The following LINGO2 variants were observed in gnomAD, a reference collection of about 807,000 sequenced individuals.
The protein encoded by LINGO2 is leucine rich repeat and Ig domain containing 2, also known as leucine-rich repeat and immunoglobulin-like domain-containing nogo receptor-interacting protein 2.
In LINGO2, 14 loss-of-function variants were observed where a neutral mutation model predicts 30.6. The ratio of observed to expected loss-of-function variants is 0.46; its 90% CI spans 0.30 to 0.72. The LOEUF is 0.72. Ranked by LOEUF, LINGO2 falls within the 30% of genes least tolerant of loss-of-function variation. LINGO2 has a pLI of 0.07. For missense variants in LINGO2, 729 were observed against 751.7 expected (o/e 0.97, Z 0.35); for synonymous variants, 317 against 288.5 (o/e 1.10, Z -1.00).
chr9:28,145,980 C>G (rs965239654), intron 4 of LINGO2, among the ~76,000 whole-genome samples: 1 of 152,150 alleles, frequency 6.6e-6, no homozygotes, highest in African/African-American at 2.4e-5. Flanking sequence ...ATCTCCATGT[C>G]TTTGGTGAGC....
At chr9:28,694,460 CACG>C in the LINGO2 span, among the ~76,000 whole-genome samples, 1 of 152,008 alleles carries the variant, frequency 6.6e-6, no homozygotes, top group Non-Finnish European at 1.5e-5. Flanking sequence ...CTGTAGCTCA[CACG>C]ACATCTCCTG....
At chr9:28,573,369 A>G (rs1587889355) in intron 1 of LINGO2, among the ~76,000 whole-genome samples, 1 of 152,160 alleles carries the variant, frequency 6.6e-6, no homozygotes, top group South Asian at 2.1e-4. Context: ...TTATAATTCC[A>G]CTTCATCTTA....
chr9:28,697,438 T>A, the LINGO2 span, among the ~76,000 whole-genome samples: 1 of 151,978 alleles, frequency 6.6e-6, no homozygotes, highest in South Asian at 2.1e-4. Flanking sequence ...TTTATAAAAA[T>A]TGTTTTACCT....
chr9:28,797,357 T>G, the LINGO2 span, among the ~76,000 whole-genome samples: 16,051 of 52,906 alleles, frequency 0.3, 1,438 homozygotes, highest in African/African-American at 0.34. Flanking sequence ...TATATATATA[T>G]ATAGAGAGAG....
chr9:28,243,517 GC>G (rs1208410144), intron 4 of LINGO2, among the ~76,000 whole-genome samples: 1 of 150,688 alleles, frequency 6.6e-6, no homozygotes, highest in Non-Finnish European at 1.5e-5. Context: ...AGGAGTCAAG[GC>G]CCATCAGTGT....
intron 5 of LINGO2, among the ~76,000 whole-genome samples, chr9:27,963,697 C>T (rs1587552201): frequency 7.0e-6 from 1 of 142,534 alleles, no homozygotes; most frequent in Non-Finnish European, 1.5e-5. Context: ...AGCTATTTCT[C>T]AAATGGAGAA....
intron 1 of LINGO2, among the ~76,000 whole-genome samples, chr9:28,643,511 C>A (rs1827700694): frequency 6.6e-6 from 1 of 151,936 alleles, no homozygotes; most frequent in Non-Finnish European, 1.5e-5. Flanking sequence ...AGAACATTAT[C>A]TCTCACCACA....
Position 28,147,482 on chromosome 9 carries a change from C to A in LINGO2, c.-86-135077G>T, listed in dbSNP as rs1202707865. ...GAGGCCACGGCAGCCATGGAGAAGG[C>A]GGGCCTGGCTCCAGGCAGCACAGAG... On this transcript the variant is annotated intron_variant, in intron 4 of 5. Coordinates refer to ENST00000379992, the Ensembl canonical transcript of LINGO2. This position sits in a 1 kb window ranked among gnomAD's most constrained non-coding sequence, Gnocchi z 4.7. Among the ~76,000 whole-genome samples the A allele has an allele frequency of 6.6e-6, 1 of 152,188 alleles. No homozygotes were observed. Among genetic ancestry groups the A allele is most frequent in the Non-Finnish European group, 1.5e-5 (1 of 68,026 alleles).
upstream of LINGO2, among the ~76,000 whole-genome samples, chr9:28,673,667 G>GATCATCATCATC (rs139919509): frequency 0.013 from 1,967 of 147,160 alleles, 15 homozygotes; most frequent in Middle Eastern, 0.021. Flanking sequence ...ACTCTGTCTC[G>GATCATCATCATC]ATCATCATCA....
chr9:28,187,029 G>A (rs1286926711), intron 4 of LINGO2, among the ~76,000 whole-genome samples: 1 of 152,146 alleles, frequency 6.6e-6, no homozygotes, highest in African/African-American at 2.4e-5. Flanking sequence ...GGGACAGATT[G>A]AAGGAAATCG....
intron 1 of LINGO2, among the ~76,000 whole-genome samples, chr9:28,583,300 A>C (rs2135666080): frequency 6.6e-6 from 1 of 152,140 alleles, no homozygotes; most frequent in Admixed American, 6.6e-5. Context: ...TTCTGATTCC[A>C]AAATTGCAAA....
the LINGO2 span, among the ~76,000 whole-genome samples, chr9:29,164,066 G>A: frequency 8.5e-3 from 1,294 of 151,490 alleles, 20 homozygotes; most frequent in African/African-American, 0.03. Context: ...CCACCATGCT[G>A]TGAGGGAACC....
chr9:28,446,330 C>A (rs761859212), intron 2 of LINGO2, among the ~76,000 whole-genome samples: 4 of 152,186 alleles, frequency 2.6e-5, no homozygotes, highest in African/African-American at 4.8e-5. Flanking sequence ...TCAAGCACAT[C>A]CAGTTTATAA....
chr9:28,347,367 G>A (rs1639453989), intron 3 of LINGO2, among the ~76,000 whole-genome samples: 1 of 152,118 alleles, frequency 6.6e-6, no homozygotes, highest in African/African-American at 2.4e-5. Flanking sequence ...GTAAAAGGAA[G>A]AGATATGTAG....
At chr9:28,552,258 T>C (rs1259677784) in intron 1 of LINGO2, among the ~76,000 whole-genome samples, 1 of 152,028 alleles carries the variant, frequency 6.6e-6, no homozygotes, top group Non-Finnish European at 1.5e-5. Flanking sequence ...ACCTTTCTTC[T>C]AGATTGGATG....
At chr9:28,187,733 T>G (rs1478754045) in intron 4 of LINGO2, among the ~76,000 whole-genome samples, 2 of 152,188 alleles carry the variant, frequency 1.3e-5, no homozygotes, top group African/African-American at 4.8e-5. Context: ...ATATATCTTT[T>G]GTGTTAGGCA....
chr9:28,330,950 G>T (rs540865301), intron 3 of LINGO2, among the ~76,000 whole-genome samples: 2 of 152,104 alleles, frequency 1.3e-5, no homozygotes, highest in African/African-American at 2.4e-5. Context: ...GTAGGATACT[G>T]TTGCTATTTC....
At chr9:29,087,162 C>A in the LINGO2 span, among the ~76,000 whole-genome samples, 1 of 152,126 alleles carries the variant, frequency 6.6e-6, no homozygotes, top group Non-Finnish European at 1.5e-5. Context: ...CAGGCGTGAG[C>A]CACTGCACCC....
At chr9:28,560,956 T>A (rs1823022727) in intron 1 of LINGO2, among the ~76,000 whole-genome samples, 1 of 152,060 alleles carries the variant, frequency 6.6e-6, no homozygotes, top group Non-Finnish European at 1.5e-5. Context: ...ATTACAGGTA[T>A]AAGCCACCAC....
Sources: gnomAD v4.1 joint callset for allele counts (sites outside exome capture counted in the v4.1 genomes callset) on GRCh38, gnomAD v4.1.1 for gene constraint, Gnocchi (gnomAD v3.1) non-coding constraint, MANE v1.5 for transcripts, NCBI Gene and HGNC (gene_info 2026-07-23, HGNC 2026-07-21) for gene names.